The following STAG1 variants were observed in gnomAD, a reference collection of about 807,000 sequenced individuals.
STAG1 encodes the protein cohesin subunit SA-1.
STAG1 carries 26 observed loss-of-function variants against 170.9 expected under a neutral mutation model. The observed-to-expected ratio is 0.15, with a 90% confidence interval of 0.11 to 0.21. The LOEUF is 0.21. STAG1 is among the 10% of genes least tolerant of loss of function. The pLI is 1.00. For missense variants in STAG1, 964 were observed against 1,509.5 expected (o/e 0.64, Z 5.99); for synonymous variants, 514 against 497.7 (o/e 1.03, Z -0.44).
chr3:136,471,623 C>T (rs2089630505), intron 12 of STAG1, among the ~76,000 whole-genome samples: 1 of 152,148 alleles, frequency 6.6e-6, no homozygotes, highest in Admixed American at 6.6e-5. Flanking sequence ...TTATGTATGA[C>T]TTTGCTAGGA....
chr3:136,517,249 G>A (rs1934424742), intron 7 of STAG1, among the ~76,000 whole-genome samples: 2 of 151,754 alleles, frequency 1.3e-5, no homozygotes, highest in Non-Finnish European at 2.9e-5. Flanking sequence ...ATTTTAGGAG[G>A]GAAAAAAGAG....
chr3:136,743,132 C>T (rs1211165772), intron 1 of STAG1, among the ~76,000 whole-genome samples: 2 of 151,928 alleles, frequency 1.3e-5, no homozygotes, highest in Admixed American at 6.6e-5. Context: ...TTTGGGAGGC[C>T]GAGAAGGGTG....
At chr3:136,508,887 CGAGAGAGAGAGA>C (rs111390217) in intron 7 of STAG1, among the ~76,000 whole-genome samples, 15 of 149,472 alleles carry the variant, frequency 1.0e-4, no homozygotes, top group African/African-American at 2.9e-4. Flanking sequence ...CGCGCGTGCG[CGAGAGAGAGAGA>C]GAGAGAGAGA....
chr3:136,533,731 C>T (rs772516273), intron 6 of STAG1, among the ~76,000 whole-genome samples: 1 of 152,146 alleles, frequency 6.6e-6, no homozygotes, highest in African/African-American at 2.4e-5. Flanking sequence ...GCCCCACTTC[C>T]GACACTGGGG....
At chr3:136,722,700 TCTCCCTCTCCCTCTCTTTCCAC>T (rs1185668190) in intron 1 of STAG1, among the ~76,000 whole-genome samples, 6 of 133,566 alleles carry the variant, frequency 4.5e-5, no homozygotes, top group African/African-American at 1.7e-4. Flanking sequence ...CTCCCCACGG[TCTCCCTCTCCCTCTCTTTCCAC>T]GGTCTCCCAC....
intron 7 of STAG1, among the ~76,000 whole-genome samples, chr3:136,506,307 A>G (rs1933757069): frequency 6.6e-6 from 1 of 152,046 alleles, no homozygotes; most frequent in South Asian, 2.1e-4. Flanking sequence ...AGCAATAGGT[A>G]GAGAGAAATT....
intron 9 of STAG1, among the ~76,000 whole-genome samples, chr3:136,498,192 T>TA (rs71157387): frequency 4.0e-3 from 239 of 59,936 alleles, no homozygotes; most frequent in Middle Eastern, 0.018. Flanking sequence ...AACTCCATCT[T>TA]AAAAAAAAAA....
chr3:136,605,445 G>C (rs1938886216), intron 3 of STAG1, among the ~76,000 whole-genome samples: 1 of 152,088 alleles, frequency 6.6e-6, no homozygotes, highest in Non-Finnish European at 1.5e-5. Flanking sequence ...TTCTACAGTT[G>C]CTACTTCACC....
chr3:136,638,860 C>G (rs1348528360), intron 1 of STAG1, among the ~76,000 whole-genome samples: 2 of 152,034 alleles, frequency 1.3e-5, no homozygotes, highest in African/African-American at 4.8e-5. Context: ...CAGGATCACG[C>G]CATTGAACTC....
At chr3:136,627,580 A>T (rs918002806) in intron 2 of STAG1, among the ~76,000 whole-genome samples, 14 of 152,208 alleles carry the variant, frequency 9.2e-5, no homozygotes, top group African/African-American at 3.4e-4. Context: ...GCACTATTAC[A>T]AACAGGGCTG....
At chr3:136,706,557 G>T (rs1028634556) in intron 1 of STAG1, among the ~76,000 whole-genome samples, 10 of 152,096 alleles carry the variant, frequency 6.6e-5, no homozygotes, top group African/African-American at 1.2e-4. Context: ...ACTGTTAAAA[G>T]AAATTAAGAC....
intron 1 of STAG1, among the ~76,000 whole-genome samples, chr3:136,705,072 C>T (rs1400443459): frequency 6.6e-6 from 1 of 151,596 alleles, no homozygotes; most frequent in African/African-American, 2.4e-5. Flanking sequence ...GACAGAAGAT[C>T]ATTAAGAAAA....
rs562750950 is a variant in STAG1, at chr3:136,405,829, T to C, written c.2197-7000A>G. On this transcript the variant is annotated intron_variant, in intron 21 of 33. Transcript: ENST00000383202. ...AAAAAAAAAAAAAAAAAAGGAAAAA[T>C]GTTAAAAGCATGATGAGATACCACT... Among the ~76,000 whole-genome samples the C allele has an allele frequency of 5.4e-5, 4 of 74,734 alleles. No individual in the cohort carries two copies. The East Asian group carries it at 1.2e-3, about 23-fold the overall frequency. The allele number at this position is 74,734 out of a possible 152,430, so 49.0% of individuals were successfully genotyped here.
intron 16 of STAG1, among the ~76,000 whole-genome samples, chr3:136,428,807 A>C (rs1213767922): frequency 6.6e-6 from 1 of 152,222 alleles, no homozygotes; most frequent in East Asian, 1.9e-4. Flanking sequence ...GGAATGAAAG[A>C]CTTCAACATA....
intron 15 of STAG1, among the ~76,000 whole-genome samples, chr3:136,437,789 C>T (rs1326411710): frequency 6.6e-6 from 1 of 152,120 alleles, no homozygotes; most frequent in Non-Finnish European, 1.5e-5. Flanking sequence ...CTCATTCTTT[C>T]TTGCTCTTCC....
intron 1 of STAG1, among the ~76,000 whole-genome samples, chr3:136,645,399 T>C (rs970433103): frequency 6.6e-6 from 1 of 152,156 alleles, no homozygotes; most frequent in Non-Finnish European, 1.5e-5. Context: ...GGTTAAATGG[T>C]AAGTTTCATT....
intron 15 of STAG1, among the ~76,000 whole-genome samples, chr3:136,441,484 A>G (rs2088630693): frequency 6.6e-6 from 1 of 152,238 alleles, no homozygotes; most frequent in Admixed American, 6.5e-5. Flanking sequence ...CACACATAAT[A>G]AATTAGAAAA....
At chr3:136,347,097 GAAA>G (rs1283264992) in intron 29 of STAG1, among the ~76,000 whole-genome samples, 2 of 137,484 alleles carry the variant, frequency 1.5e-5, no homozygotes, top group Non-Finnish European at 3.2e-5. Context: ...AAAAAAAAAA[GAAA>G]AGAAAAACAA....
intron 1 of STAG1, among the ~76,000 whole-genome samples, chr3:136,722,816 C>A (rs1021704633): frequency 6.6e-6 from 1 of 152,062 alleles, no homozygotes; most frequent in Admixed American, 6.5e-5. Flanking sequence ...CTCAGCCTGC[C>A]GAGTGCCTGC....
Sources: gnomAD v4.1 joint callset for allele counts (sites outside exome capture counted in the v4.1 genomes callset) on GRCh38, gnomAD v4.1.1 for gene constraint, MANE v1.5 for transcripts, NCBI Gene and HGNC (gene_info 2026-07-23, HGNC 2026-07-21) for gene names.